TIMM23B: variants seen among roughly 807,000 people sequenced by gnomAD.
TIMM23B encodes the protein translocase of inner mitochondrial membrane 23 homolog B, also known as mitochondrial import inner membrane translocase subunit Tim23B.
A neutral mutation model predicts 27.3 loss-of-function variants in TIMM23B; 27 were observed. The observed-to-expected ratio is 0.99, with a 90% CI of 0.73 to 1.36. TIMM23B has a LOEUF of 1.36. TIMM23B is among the 40% of genes most tolerant of loss of function. TIMM23B has a pLI of 0.00. For synonymous variants in TIMM23B, 73 were observed against 92.4 expected (o/e 0.79, Z 1.21); for missense variants, 205 against 244.2 (o/e 0.84, Z 1.07).
chr10:49,954,379 C>T, intron 4 of TIMM23B: 2 of 398,416 alleles, frequency 5.0e-6, no homozygotes, highest in African/African-American at 2.1e-5. Flanking sequence ...TGAGCATTCA[C>T]CTTGGCTGCT....
In TIMM23B at chr10:49,966,086, ATGACATGAC is replaced by A. The variant is rs1554855401; in HGVS notation, c.515-6925_515-6917del. Among the ~76,000 whole-genome samples, 17 of 148,932 alleles carry A rather than the reference ATGACATGAC, an allele frequency of 1.1e-4. No homozygotes were observed. In the East Asian group the frequency reaches 3.0e-3, roughly 26 times the overall value. On this transcript the variant is annotated intron_variant, in intron 6 of 6. Transcript: ENST00000651259. ...ATGAAATGACATGACATGACATGAC[ATGACATGAC>A]ATGATGAAATGAAATAATGAAATGA... is the stretch of plus-strand genomic sequence containing the variant.
intron 6 of TIMM23B, 73 bp downstream of exon 6, chr10:49,958,553 G>A: frequency 7.4e-7 from 1 of 1,352,888 alleles, no homozygotes; most frequent in South Asian, 1.2e-5. Context: ...TGGTTTTCAA[G>A]GAAATTACAC....
chr10:49,942,443 T>A, intron 1 of TIMM23B, 143 bp downstream of exon 1: 2 of 1,424,618 alleles, frequency 1.4e-6, no homozygotes, highest in Non-Finnish European at 1.9e-6. Context: ...GGTTAGTGTA[T>A]CTGCATGGCT....
At position 49,958,432 on chromosome 10, in the gene TIMM23B, A is replaced by G; in HGVS notation, c.466A>G (p.Asn156Asp). ...AACACGAGGTGCAGAAGATGACCTT[A>G]ACACAGTAGCAGCTGGAACCATGAC... Reference protein sequence around the residue: ...EKTRGAEDDLNTVAAGTMTGM... With the variant: ...EKTRGAEDDLDTVAAGTMTGM... The change falls in exon 6 of 7, where the codon AAC becomes GAC. Residue 156 changes from asparagine to aspartate, a missense_variant. Physicochemically the swap from Asn to Asp is conservative, Grantham distance 23. Transcript: ENST00000651259. The G allele has an allele frequency of 1.9e-6, 3 of 1,613,910 alleles. No homozygotes were observed. Among genetic ancestry groups the G allele is most frequent in the Non-Finnish European group, 2.5e-6 (3 of 1,179,806 alleles).
chr10:49,945,780 C>T (rs1374023257), intron 2 of TIMM23B, among the ~76,000 whole-genome samples: 5 of 152,004 alleles, frequency 3.3e-5, no homozygotes, highest in Non-Finnish European at 5.9e-5. Flanking sequence ...TGTATTGTGC[C>T]ATATCAATTT....
chr10:49,952,315 T>C, intron 3 of TIMM23B, 96 bp downstream of exon 3: 4 of 1,472,098 alleles, frequency 2.7e-6, no homozygotes, highest in Non-Finnish European at 3.7e-6. Context: ...TCAGGGTTTT[T>C]TTTTTTAATA....
At position 49,952,166 on chromosome 10, in the gene TIMM23B, C is replaced by T. The variant is rs1446593320; in HGVS notation, c.206C>T (p.Thr69Ile). The T allele has an allele frequency of 1.9e-6, 3 of 1,605,120 alleles. No individual in the cohort carries two copies. Among genetic ancestry groups the T allele is most frequent in the Non-Finnish European group, 2.6e-6 (3 of 1,171,820 alleles). Residue 69 changes from threonine (T) to isoleucine (I), a missense_variant, in exon 3 of 7, where the codon ACC (threonine) becomes ATC (isoleucine). Transcript: ENST00000651259. ...EFILPTGANK[T>I]WGRFELAFFT... ...ATTTTACCTACCGGAGCTAATAAAA[C>T]CTGGGGCAGATTTGAGCTGGCCTTC...
Position 49,963,637 on chromosome 10 carries a change from A to T in TIMM23B, c.514+5157A>T, listed in dbSNP as rs145113677. Among the ~76,000 whole-genome samples the T allele has an allele frequency of 8.0e-3, 1,224 of 152,220 alleles. 12 individuals carry two copies. Among genetic ancestry groups the T allele is most frequent in the African/African-American group, 0.028 (1,144 of 41,542 alleles). ...AGAGTGAGACTCCGTCTTGAAATGA[A>T]ATGATGAAATAATGAAACAAAATTA... On this transcript the variant is annotated intron_variant, in intron 6 of 6. Coordinates refer to ENST00000651259, the MANE Select transcript of TIMM23B (RefSeq NM_001290117.2).
chr10:49,972,243 G>A (rs1478566532), intron 6 of TIMM23B, among the ~76,000 whole-genome samples: 1 of 152,234 alleles, frequency 6.6e-6, no homozygotes, highest in Non-Finnish European at 1.5e-5. Flanking sequence ...GGGGTTCACA[G>A]TGCTGCTTGT....
rs1255566272 is a variant in TIMM23B, at chr10:49,942,066, G to C, written c.-129G>C. 31 of 1,267,884 alleles carry C rather than the reference G, an allele frequency of 2.4e-5. No individual in the cohort carries two copies. Among genetic ancestry groups the C allele is most frequent in the South Asian group, 1.1e-4 (7 of 65,382 alleles). The allele number at this position is 1,267,884 out of a possible 1,614,324, so 78.5% of individuals were successfully genotyped here. A position where few individuals can be genotyped will look rare whatever the true frequency, so the allele number is the denominator to read the frequency against. On this transcript the variant is annotated 5_prime_UTR_variant, in exon 1 of 7. Coordinates refer to ENST00000651259, the MANE Select transcript of TIMM23B (RefSeq NM_001290117.2). ...AGTGTGGCGCTTAACGGGAACCGGC[G>C]CCCGGAATGTCAGCGTGTGAAGTAG...
At chr10:49,942,362 C>A in intron 1 of TIMM23B, 62 bp downstream of exon 1, 1 of 1,560,674 alleles carries the variant, frequency 6.4e-7, no homozygotes, top group Non-Finnish European at 8.7e-7. Flanking sequence ...ACTAAAGTTG[C>A]GCGTCCCATG....
At chr10:49,967,120 C>CA (rs1840194939) in intron 6 of TIMM23B, among the ~76,000 whole-genome samples, 1 of 152,124 alleles carries the variant, frequency 6.6e-6, no homozygotes, top group African/African-American at 2.4e-5. Flanking sequence ...CAGGGTTTCA[C>CA]CATGGTGCCC....
chr10:49,959,291 G>C (rs1316261919), intron 6 of TIMM23B, among the ~76,000 whole-genome samples: 2 of 152,228 alleles, frequency 1.3e-5, no homozygotes, highest in South Asian at 4.1e-4. Context: ...AGTTTGACCT[G>C]TGACATCAGC....
chr10:49,968,788 T>C (rs1450261887), intron 6 of TIMM23B, among the ~76,000 whole-genome samples: 1 of 151,962 alleles, frequency 6.6e-6, no homozygotes, highest in East Asian at 1.9e-4. Flanking sequence ...TGAGCCGAGA[T>C]TGCACCACTG....
chr10:49,942,326 T>G, intron 1 of TIMM23B, 26 bp downstream of exon 1: 1 of 1,594,720 alleles, frequency 6.3e-7, no homozygotes, highest in Middle Eastern at 1.7e-4. Context: ...AGCTTGCGAT[T>G]ATTTCTGACT....
chr10:49,943,551 A>T (rs1425706956), intron 1 of TIMM23B, among the ~76,000 whole-genome samples: 1 of 151,842 alleles, frequency 6.6e-6, no homozygotes, highest in Non-Finnish European at 1.5e-5. Context: ...GTTTCATATT[A>T]ATCTTAGTAT....
At chr10:49,959,320 A>C (rs1298217392) in intron 6 of TIMM23B, among the ~76,000 whole-genome samples, 1 of 152,216 alleles carries the variant, frequency 6.6e-6, no homozygotes, top group African/African-American at 2.4e-5. Context: ...CTATCACAAG[A>C]CACACACAAG....
intron 6 of TIMM23B, among the ~76,000 whole-genome samples, chr10:49,972,101 G>A (rs1840476278): frequency 6.6e-6 from 1 of 152,184 alleles, no homozygotes; most frequent in Non-Finnish European, 1.5e-5. Flanking sequence ...TTACACATAT[G>A]TAATATAGTA....
chr10:49,945,735 A>G (rs1839335909), intron 2 of TIMM23B, among the ~76,000 whole-genome samples: 1 of 152,250 alleles, frequency 6.6e-6, no homozygotes, highest in Non-Finnish European at 1.5e-5. Context: ...TGGGTATATT[A>G]GAAAAGCAAG....
Sources: gnomAD v4.1 joint callset for allele counts (sites outside exome capture counted in the v4.1 genomes callset) on GRCh38, gnomAD v4.1.1 for gene constraint, MANE v1.5 for transcripts, NCBI Gene and HGNC (gene_info 2026-07-23, HGNC 2026-07-21) for gene names.